Variants in ZNF584 observed in about 807,000 individuals in gnomAD.
The protein encoded by ZNF584 is zinc finger protein 584.
A neutral mutation model predicts 14.7 loss-of-function variants in ZNF584; 12 were observed. That is an observed-to-expected ratio of 0.82 (90% CI 0.52 to 1.32). The LOEUF (loss-of-function observed/expected upper bound fraction) is 1.32. ZNF584 is among the 40% of genes most tolerant of loss of function. ZNF584 has a pLI of 0.00. For synonymous variants in ZNF584, 204 were observed against 190.9 expected (o/e 1.07, Z -0.57); for missense variants, 478 against 518.8 (o/e 0.92, Z 0.76).
At chr19:58,410,528 T>C (rs1353787366) in intron 2 of ZNF584, among the ~76,000 whole-genome samples, 13 of 17,994 alleles carry the variant, frequency 7.2e-4, no homozygotes, top group Non-Finnish European at 1.3e-3. Context: ...AATATATATA[T>C]ATATATATAT....
upstream of ZNF584, chr19:58,406,427 A>T (rs191508110): frequency 5.3e-5 from 8 of 151,270 alleles, no homozygotes; most frequent in East Asian, 1.6e-3. Flanking sequence ...AGCCCAGGAC[A>T]TGTTATGGGA....
At position 58,410,593 on chromosome 19, in the gene ZNF584, GTATATATATGTA is replaced by G. The variant is rs1215756750; in HGVS notation, c.169+510_169+521del. On this transcript the variant is annotated intron_variant, in intron 2 of 3. Transcript: ENST00000306910. ...TATATGTATATATATGTATATATAT[GTATATATATGTA>G]TATATATGTGTATATATGTGTATAT... is the stretch of plus-strand genomic sequence containing the variant. 2.1e-3 allele frequency among the ~76,000 whole-genome samples: 70 copies of G among 32,884 alleles called. 11 individuals carry two copies. Among genetic ancestry groups the G allele is most frequent in the Non-Finnish European group, 1.6e-3 (33 of 20,484 alleles). 21.6% of individuals were successfully genotyped at this position (32,884 alleles called of 152,430 possible).
chr19:58,414,014 G>T (rs2052609416), intron 2 of ZNF584, among the ~76,000 whole-genome samples: 2 of 151,238 alleles, frequency 1.3e-5, no homozygotes, highest in Admixed American at 1.3e-4. Flanking sequence ...GTAGAGACGG[G>T]GCTTCACTGT....
At chr19:58,410,659 ATATATG>A (rs1388092910) in intron 2 of ZNF584, among the ~76,000 whole-genome samples, 306 of 15,394 alleles carry the variant, frequency 0.02, 29 homozygotes, top group African/African-American at 0.13. Flanking sequence ...ATATATGTGT[ATATATG>A]TATATATGTG....
In ZNF584 at chr19:58,416,811, A is replaced by T; in HGVS notation, c.293A>T (p.Asp98Val). Residue 98 changes from aspartate to valine, a missense_variant and splice_region_variant, in exon 4 of 4, where the codon GAT becomes GTT. Coordinates refer to ENST00000306910, the MANE Select transcript of ZNF584 (RefSeq NM_173548.3). Reference protein sequence around the residue: ...RAEARRGFGLDGLCRVEDERA... With the variant: ...RAEARRGFGLVGLCRVEDERA... ...AGTAATGATTCATCTCTGCTTTCAG[A>T]TGGTTTGTGTAGAGTGGAGGATGAG... 1.3e-6 allele frequency: 2 copies of T among 1,530,524 alleles called. No individual in the cohort carries two copies. The highest frequency in any genetic ancestry group is 4.5e-5 in the East Asian group (2 of 44,240). The allele number at this position is 1,530,524 out of a possible 1,614,324, so 94.8% of individuals were successfully genotyped here. A position where few individuals can be genotyped will look rare whatever the true frequency, so the allele number is the denominator to read the frequency against.
rs2052656331 is a variant in ZNF584 at position 58,417,277 on chromosome 19, C to A, written c.759C>A (p.Arg253=). The change falls in exon 4 of 4, where the codon CGC becomes CGA. Residue 253 remains arginine (R), a synonymous_variant. Transcript: ENST00000306910. The part of the protein sequence containing the change: ...KCSDCGKTFN[R]KDALVLHQRI... ...GTGACTGTGGTAAAACCTTCAACCGCAAAGACGCACTTGTTCTACACCAGA... is the reference window on the plus strand; with the variant it reads ...GTGACTGTGGTAAAACCTTCAACCGAAAAGACGCACTTGTTCTACACCAGA... The A allele has an allele frequency of 3.1e-6, 5 of 1,614,064 alleles. No homozygotes were observed. Among genetic ancestry groups the A allele is most frequent in the Middle Eastern group, 1.6e-4 (1 of 6,084 alleles).
At position 58,410,561 on chromosome 19, in the gene ZNF584, G is replaced by A. The variant is rs186812270; in HGVS notation, c.169+470G>A. Among the ~76,000 whole-genome samples the A allele has an allele frequency of 8.7e-3, 177 of 20,394 alleles. 26 individuals are homozygous for A. The highest frequency in any genetic ancestry group is 0.084 in the African/African-American group (136 of 1,616). The allele number at this position is 20,394 out of a possible 152,430, so 13.4% of individuals were successfully genotyped here. ...TATATATATATATATATATATATGT[G>A]TATATATATATGTATATATATGTAT... On this transcript the variant is annotated intron_variant, in intron 2 of 3. Coordinates refer to ENST00000306910, the MANE Select transcript of ZNF584 (RefSeq NM_173548.3).
chr19:58,410,557 A>ATATGTG lies in ZNF584; in HGVS notation c.169+467_169+468insATGTGT, dbSNP rs1340373210. Among the ~76,000 whole-genome samples, 11 of 26,004 alleles carry ATATGTG rather than the reference A, an allele frequency of 4.2e-4. No homozygotes were observed. In the East Asian group the frequency reaches 6.5e-3, roughly 15 times the overall value. 17.1% of individuals were successfully genotyped at this position (26,004 alleles called of 152,430 possible). On this transcript the variant is annotated intron_variant, in intron 2 of 3. Coordinates refer to ENST00000306910, the MANE Select transcript of ZNF584 (RefSeq NM_173548.3). ...TATATATATATATATATATATATATATGTGTATATATATATGTATATATAT... is the reference window on the plus strand; with the variant it reads ...TATATATATATATATATATATATATATATGTGTGTGTATATATATATGTATATATAT...
rs2052505473 is a variant in ZNF584 at position 58,409,043 on chromosome 19, G to A, written c.-105G>A. Reference sequence around the variant, plus strand: ...TTCGGACGCATTTCACCCGCGCGGGGAGAGCTTCCCGGGAAGGTTCCACGG... The same window carrying A: ...TTCGGACGCATTTCACCCGCGCGGGAAGAGCTTCCCGGGAAGGTTCCACGG... On this transcript the variant is annotated 5_prime_UTR_variant, in exon 1 of 4. Coordinates refer to ENST00000306910, the MANE Select transcript of ZNF584 (RefSeq NM_173548.3). 1 of 1,385,886 alleles carries A rather than the reference G, an allele frequency of 7.2e-7. No homozygotes were observed. The highest frequency in any genetic ancestry group is 1.5e-5 in the South Asian group (1 of 67,436). The allele number at this position is 1,385,886 out of a possible 1,614,324, so 85.8% of individuals were successfully genotyped here.
chr19:58,410,984 G>T (rs1294033159), intron 2 of ZNF584, among the ~76,000 whole-genome samples: 1 of 150,234 alleles, frequency 6.7e-6, no homozygotes, highest in South Asian at 2.1e-4. Flanking sequence ...TAGAGACAGG[G>T]TTTCACTTTG....
intron 2 of ZNF584, among the ~76,000 whole-genome samples, chr19:58,410,715 GTATA>G (rs377319812): frequency 2.3e-5 from 1 of 43,408 alleles, no homozygotes. Context: ...GTATATATGT[GTATA>G]TATATATGTA....
upstream of ZNF584, chr19:58,404,798 C>T (rs2052453299): frequency 1.1e-5 from 2 of 180,446 alleles, no homozygotes. Flanking sequence ...CCTCATTTCC[C>T]AGTAGGGGCG....
intron 2 of ZNF584, among the ~76,000 whole-genome samples, chr19:58,412,559 C>A (rs561101836): frequency 6.6e-6 from 1 of 152,288 alleles, no homozygotes; most frequent in South Asian, 2.1e-4. Context: ...CCCATCTCGG[C>A]CTCCAAAGTG....
chr19:58,403,836 G>A (rs969069983), upstream of ZNF584, among the ~76,000 whole-genome samples: 9 of 151,860 alleles, frequency 5.9e-5, no homozygotes, highest in Admixed American at 4.6e-4. Flanking sequence ...GGGTGTGGTG[G>A]CACGCGCTTG....
At position 58,415,469 on chromosome 19, in the gene ZNF584, T is replaced by C. The variant is rs998968066; in HGVS notation, c.170-55T>C. 9.8e-5 allele frequency: 155 copies of C among 1,576,980 alleles called. No individual in the cohort carries two copies. In the African/African-American group the frequency reaches 2.0e-3, roughly 20 times the overall value. On this transcript the variant is annotated intron_variant, in intron 2 of 3. Transcript: ENST00000306910. ...ACCTCACTTTCCAAAGTGCTGGGAT[T>C]ACAGGCATCAGCCACCATGCCCAGC... is the stretch of plus-strand genomic sequence containing the variant.
intron 2 of ZNF584, 74 bp downstream of exon 2, chr19:58,410,165 G>T: frequency 1.3e-6 from 2 of 1,505,854 alleles, no homozygotes; most frequent in Non-Finnish European, 1.8e-6. Context: ...TGTCCATAAC[G>T]AAGCCAGACC....
rs576855369 is a variant in ZNF584, at chr19:58,414,047, T to C, written c.170-1477T>C. Among the ~76,000 whole-genome samples, 513 of 151,670 alleles carry C rather than the reference T, an allele frequency of 3.4e-3. 3 individuals are homozygous for C. Among genetic ancestry groups the C allele is most frequent in the Non-Finnish European group, 5.6e-3 (378 of 67,898 alleles). The stretch of plus-strand genomic sequence containing the variant: ...TGTGTTCGGCAGGATGGTCTCAAAC[T>C]CCTGACCTTGTGATCCACCTGCCTC... On this transcript the variant is annotated intron_variant, in intron 2 of 3. Coordinates refer to ENST00000306910, the MANE Select transcript of ZNF584 (RefSeq NM_173548.3).
In ZNF584 at chr19:58,409,175, G is replaced by A. The variant is rs2052507752; in HGVS notation, c.18+10G>A. 2 of 1,431,028 alleles carry A rather than the reference G, an allele frequency of 1.4e-6. No homozygotes were observed. The highest frequency in any genetic ancestry group is 1.5e-5 in the South Asian group (1 of 66,612). The allele number at this position is 1,431,028 out of a possible 1,614,324, so 88.6% of individuals were successfully genotyped here. Reference sequence around the variant, plus strand: ...GGCCGGGGAGGCGGAGGTGAGCAGAGGATGCCTCCGAGGAATGAGGGGGCC... The same window carrying A: ...GGCCGGGGAGGCGGAGGTGAGCAGAAGATGCCTCCGAGGAATGAGGGGGCC... On this transcript the variant is annotated intron_variant, in intron 1 of 3. Transcript: ENST00000306910.
At chr19:58,410,143 C>T (rs2052525556) in intron 2 of ZNF584, 52 bp downstream of exon 2, 1 of 1,548,990 alleles carries the variant, frequency 6.5e-7, no homozygotes, top group Non-Finnish European at 8.7e-7. Context: ...TCATTTTCCC[C>T]ATGCGAAGTT....
Sources: gnomAD v4.1 joint callset for allele counts (sites outside exome capture counted in the v4.1 genomes callset) on GRCh38, gnomAD v4.1.1 for gene constraint, MANE v1.5 for transcripts, NCBI Gene and HGNC (gene_info 2026-07-23, HGNC 2026-07-21) for gene names.